Variants in USP3 observed in about 807,000 individuals in gnomAD.
The protein encoded by USP3 is ubiquitin specific peptidase 3.
A neutral mutation model predicts 72.3 loss-of-function variants in USP3; 20 were observed. That is an observed-to-expected ratio of 0.28 (90% confidence interval 0.19 to 0.40). The LOEUF (loss-of-function observed/expected upper bound fraction) is 0.40, where lower values mean the gene tolerates loss of function less well. Ranked by LOEUF, USP3 falls within the 10% of genes least tolerant of loss-of-function variation. USP3 has a pLI of 1.00. For synonymous variants in USP3, 222 were observed against 225.3 expected, an observed-to-expected ratio of 0.99 and a Z score of 0.13; for missense variants, 479 against 633.9, an observed-to-expected ratio of 0.76 and a Z score of 2.62.
intron 8 of USP3, among the ~76,000 whole-genome samples, chr15:63,566,544 A>G (rs1190446461): frequency 6.6e-6 from 1 of 152,066 alleles, no homozygotes; most frequent in Non-Finnish European, 1.5e-5. Flanking sequence ...CAAACTCCTG[A>G]CCTCGTGATC....
rs2066578306 is a variant in USP3 at position 63,559,960 on chromosome 15, G to C, written c.637G>C (p.Asp213His). ...RRTYHTRSQG[D>H]NNVSLVEEFR... ...GACATACCACACCAGGAGCCAAGGG[G>C]ATAACAATGTGTGAGTTATAAGAGT... Residue 213 changes from aspartate to histidine, a missense_variant, in exon 7 of 15, where the codon GAT (aspartate) becomes CAT (histidine). Coordinates refer to ENST00000380324, the MANE Select transcript of USP3 (RefSeq NM_006537.4). 6.2e-7 allele frequency: 1 copy of C among 1,613,448 alleles called. No individual in the cohort carries two copies. Among genetic ancestry groups the C allele is most frequent in the African/African-American group, 1.3e-5 (1 of 74,988 alleles).
At chr15:63,568,568 A>C (rs1418542001) in intron 8 of USP3, among the ~76,000 whole-genome samples, 1 of 152,216 alleles carries the variant, frequency 6.6e-6, no homozygotes, top group African/African-American at 2.4e-5. Context: ...TTATAAAACA[A>C]GAGAAACTGA....
chr15:63,556,164 G>A (rs2066504351), intron 4 of USP3: 1 of 152,308 alleles, frequency 6.6e-6, no homozygotes, highest in African/African-American at 2.4e-5. Context: ...GAATGTACAT[G>A]TGCCTGTATT....
chr15:63,514,679 G>A (rs1157802041), intron 1 of USP3, among the ~76,000 whole-genome samples: 1 of 152,062 alleles, frequency 6.6e-6, no homozygotes, highest in Non-Finnish European at 1.5e-5. Context: ...GATGTTAAGA[G>A]GTCCCTAAAC....
At chr15:63,525,709 G>T (rs1351566909) in intron 1 of USP3, among the ~76,000 whole-genome samples, 1 of 152,210 alleles carries the variant, frequency 6.6e-6, no homozygotes, top group African/African-American at 2.4e-5. Context: ...GTGTACAGAA[G>T]ATTTTATGTC....
At chr15:63,524,376 G>A (rs1206119808) in intron 1 of USP3, among the ~76,000 whole-genome samples, 1 of 152,204 alleles carries the variant, frequency 6.6e-6, no homozygotes, top group Non-Finnish European at 1.5e-5. Context: ...GGGTGTGGAT[G>A]ATGCTGCATC....
intron 11 of USP3, among the ~76,000 whole-genome samples, chr15:63,581,345 T>TGTG (rs2066955880): frequency 1.2e-4 from 15 of 130,180 alleles, no homozygotes; most frequent in African/African-American, 3.2e-4. Context: ...GTGTTGGTTT[T>TGTG]TGTGTGTGTG....
intron 1 of USP3, among the ~76,000 whole-genome samples, chr15:63,512,626 G>A (rs2065806069): frequency 6.6e-6 from 1 of 151,808 alleles, no homozygotes; most frequent in Non-Finnish European, 1.5e-5. Context: ...TGTGTTTTTA[G>A]TAGAGACGGG....
chr15:63,552,629 T>G (rs953014014), intron 3 of USP3, among the ~76,000 whole-genome samples: 3 of 152,166 alleles, frequency 2.0e-5, no homozygotes, highest in African/African-American at 7.2e-5. Flanking sequence ...GTAGTGACAG[T>G]TTTGAGAAGC....
Position 63,547,757 on chromosome 15 carries a change from GGAGGGAGAGAGAGAGAGAGAGAGAGAGA to G in USP3, c.285-5954_285-5927del, listed in dbSNP as rs2066358123. ...GAGAGAGAGAGAGGGAGGGAGGGAG[GGAGGGAGAGAGAGAGAGAGAGAGAGAGA>G]GAGAGAGAGAGAGAGGCATAGAGAG... On this transcript the variant is annotated intron_variant, in intron 3 of 14. Transcript: ENST00000380324. Among the ~76,000 whole-genome samples, 5 of 39,618 alleles carry G rather than the reference GGAGGGAGAGAGAGAGAGAGAGAGAGAGA, an allele frequency of 1.3e-4. 1 individual carries two copies. The highest frequency in any genetic ancestry group is 2.4e-4 in the Non-Finnish European group (5 of 20,854). 26.0% of individuals were successfully genotyped at this position (39,618 alleles called of 152,430 possible).
chr15:63,566,526 G>T (rs906185856), intron 8 of USP3, among the ~76,000 whole-genome samples: 2 of 152,024 alleles, frequency 1.3e-5, no homozygotes, highest in African/African-American at 4.8e-5. Flanking sequence ...TGTTGGCTAG[G>T]CTGGTCTCAA....
chr15:63,510,414 A>G (rs191033425), intron 1 of USP3, among the ~76,000 whole-genome samples: 2 of 152,222 alleles, frequency 1.3e-5, no homozygotes, highest in African/African-American at 2.4e-5. Context: ...ACAAAATGTT[A>G]GTCTCCTTTG....
At chr15:63,578,946 C>T (rs1431530783) in intron 11 of USP3, among the ~76,000 whole-genome samples, 1 of 152,116 alleles carries the variant, frequency 6.6e-6, no homozygotes, top group Admixed American at 6.5e-5. Flanking sequence ...TGAGACTAGG[C>T]AGGAGGACAC....
rs774540773 is a variant in USP3 at position 63,570,438 on chromosome 15, A to G, written c.767A>G (p.Tyr256Cys). Residue 256 changes from tyrosine (Y) to cysteine (C), a missense_variant, in exon 9 of 15, where the codon TAT (tyrosine) becomes TGT (cysteine). Transcript: ENST00000380324. This position sits in a 1 kb window ranked among gnomAD's most constrained non-coding sequence, Gnocchi z 4.4. ...TGACTGTTTGTTTGCTTTAGGGGCT[A>G]TCAACAGCAGGACGCCCATGAATTC... The part of the protein sequence containing the change: ...VWKIMPNFRG[Y>C]QQQDAHEFMR... 4.3e-5 allele frequency: 70 copies of G among 1,614,020 alleles called. No individual in the cohort carries two copies. Among genetic ancestry groups the G allele is most frequent in the Non-Finnish European group, 5.5e-5 (65 of 1,180,028 alleles).
At chr15:63,554,192 A>G (rs2066475365) in intron 4 of USP3, among the ~76,000 whole-genome samples, 1 of 152,172 alleles carries the variant, frequency 6.6e-6, no homozygotes, top group Non-Finnish European at 1.5e-5. Flanking sequence ...AGGAAGCACT[A>G]TGATTTATGC....
At chr15:63,530,395 A>G (rs2066052798) in intron 1 of USP3, 1 of 227,790 alleles carries the variant, frequency 4.4e-6, no homozygotes, top group Non-Finnish European at 8.9e-6. Context: ...GTGCAGTCAT[A>G]TCTCACTGCA....
intron 2 of USP3, among the ~76,000 whole-genome samples, chr15:63,536,747 G>A (rs994585768): frequency 2.0e-5 from 3 of 151,836 alleles, no homozygotes; most frequent in East Asian, 1.9e-4. Context: ...CCAGCTACTC[G>A]GGAGGCTGAG....
In USP3 at chr15:63,574,112, C is replaced by T. The variant is rs773192739; in HGVS notation, c.975C>T (p.Leu325=). The change falls in exon 10 of 15, where the codon CTC becomes CTT. Residue 325 remains leucine (L), a synonymous_variant. Coordinates refer to ENST00000380324, the MANE Select transcript of USP3 (RefSeq NM_006537.4). The surrounding 1 kb of genome is among the most constrained non-coding windows in gnomAD (Gnocchi z 4.6). ...TTCTCCAAAATGAGGTTAACTGCCT[C>T]ATATGTGGGACAGAATCTAGAAAGT... ...GGILQNEVNC[L]ICGTESRKFD... 1 of 1,596,446 alleles carries T rather than the reference C, an allele frequency of 6.3e-7. No homozygotes were observed. The highest frequency in any genetic ancestry group is 8.5e-7 in the Non-Finnish European group (1 of 1,170,320).
chr15:63,583,114 G>C (rs759589251), intron 11 of USP3, among the ~76,000 whole-genome samples: 11 of 152,030 alleles, frequency 7.2e-5, no homozygotes, highest in African/African-American at 1.7e-4. Context: ...TTAAATATAG[G>C]GGGGGGAAAA....
Sources: allele counts gnomAD v4.1 joint callset (sites outside exome capture counted in the v4.1 genomes callset), GRCh38; gene constraint gnomAD v4.1.1; non-coding constraint Gnocchi (gnomAD v3.1); transcripts MANE v1.5; gene names NCBI Gene and HGNC (gene_info 2026-07-23, HGNC 2026-07-21).